DLG2: variants seen among roughly 807,000 people sequenced by gnomAD.
DLG2 encodes disks large homolog 2.
In DLG2, 45 loss-of-function variants were observed where a neutral mutation model predicts 132.5. The observed-to-expected ratio is 0.34, with a 90% CI of 0.27 to 0.44. The LOEUF (loss-of-function observed/expected upper bound fraction) is 0.44. Ranked by LOEUF, DLG2 falls within the 20% of genes least tolerant of loss-of-function variation. The probability of loss-of-function intolerance (pLI) is 1.00; values close to 1 mark genes in which losing one functional copy is unlikely to be tolerated. For missense variants in DLG2, 1,045 were observed against 1,196.9 expected, an observed-to-expected ratio of 0.87 and a Z score of 1.87; for synonymous variants, 424 against 419.6, an observed-to-expected ratio of 1.01 and a Z score of -0.13.
chr11:83,652,744 T>G (rs530526071), intron 18 of DLG2, among the ~76,000 whole-genome samples: 1 of 152,198 alleles, frequency 6.6e-6, no homozygotes, highest in Non-Finnish European at 1.5e-5. Context: ...CACCTGAGGG[T>G]AGCCCTTCTG....
chr11:84,211,868 A>G (rs956421146), intron 8 of DLG2, among the ~76,000 whole-genome samples: 1 of 152,222 alleles, frequency 6.6e-6, no homozygotes. Context: ...ATTTATCAAA[A>G]TTAGAGTAGA....
intron 6 of DLG2, among the ~76,000 whole-genome samples, chr11:84,638,099 T>C (rs184670756): frequency 5.3e-5 from 8 of 152,370 alleles, no homozygotes; most frequent in Admixed American, 4.6e-4. Flanking sequence ...TACTTTCATT[T>C]TGATCCAATA....
At chr11:83,965,963 T>C (rs2090094904) in intron 12 of DLG2, among the ~76,000 whole-genome samples, 1 of 152,028 alleles carries the variant, frequency 6.6e-6, no homozygotes, top group African/African-American at 2.4e-5. Flanking sequence ...ATGACTTTTG[T>C]TTTCTGCAGA....
chr11:84,259,062 A>T (rs2097518082), intron 7 of DLG2, among the ~76,000 whole-genome samples: 1 of 152,296 alleles, frequency 6.6e-6, no homozygotes, highest in East Asian at 1.9e-4. Context: ...ACTTGAAGTC[A>T]GGAGTTTGAG....
intron 12 of DLG2, among the ~76,000 whole-genome samples, chr11:83,968,966 G>T (rs934429300): frequency 1.3e-5 from 2 of 152,060 alleles, no homozygotes; most frequent in Non-Finnish European, 2.9e-5. Flanking sequence ...TAATAATACA[G>T]AAATAACACG....
intron 7 of DLG2, among the ~76,000 whole-genome samples, chr11:84,267,971 T>G (rs2097665138): frequency 6.6e-6 from 1 of 152,184 alleles, no homozygotes; most frequent in South Asian, 2.1e-4. Context: ...TTTTTATGAT[T>G]TACCTGTATA....
intron 16 of DLG2, among the ~76,000 whole-genome samples, chr11:83,867,107 T>G (rs1055093701): frequency 2.6e-5 from 4 of 152,192 alleles, no homozygotes; most frequent in African/African-American, 9.6e-5. Flanking sequence ...TCAGAAATCA[T>G]ATTGAGCTCT....
At chr11:84,433,992 CAT>C (rs369301138) in intron 7 of DLG2, among the ~76,000 whole-genome samples, 9 of 151,940 alleles carry the variant, frequency 5.9e-5, no homozygotes, top group Non-Finnish European at 1.3e-4. Flanking sequence ...TTGACACACA[CAT>C]GTGTTCCCAG....
intron 6 of DLG2, among the ~76,000 whole-genome samples, chr11:84,647,309 C>A (rs1017527907): frequency 6.6e-6 from 1 of 152,030 alleles, no homozygotes; most frequent in African/African-American, 2.4e-5. Context: ...GATAATGATG[C>A]CTTCTCTAGA....
chr11:84,619,107 A>G (rs2099609529), intron 6 of DLG2, among the ~76,000 whole-genome samples: 2 of 151,942 alleles, frequency 1.3e-5, no homozygotes, highest in African/African-American at 4.8e-5. Context: ...TAGGCAAACA[A>G]AAAACATTGA....
chr11:84,581,912 C>CAAAAAAA (rs780759635), intron 6 of DLG2, among the ~76,000 whole-genome samples: 25 of 64,946 alleles, frequency 3.8e-4, no homozygotes, highest in East Asian at 1.1e-3. Context: ...TCTCAAAAAC[C>CAAAAAAA]AAAAAAAAAA....
At chr11:83,510,833 T>TTG (rs1555133667) in intron 21 of DLG2, among the ~76,000 whole-genome samples, 1 of 141,176 alleles carries the variant, frequency 7.1e-6, no homozygotes, top group African/African-American at 2.7e-5. Flanking sequence ...ACCATCCGTT[T>TTG]TTTTTTTTTT....
intron 6 of DLG2, among the ~76,000 whole-genome samples, chr11:84,803,265 A>C (rs944036632): frequency 1.3e-5 from 2 of 152,226 alleles, no homozygotes; most frequent in East Asian, 1.9e-4. Context: ...ATAATTGTGA[A>C]GTTGAATGTA....
intron 5 of DLG2, among the ~76,000 whole-genome samples, chr11:85,137,102 G>A (rs2076184338): frequency 6.6e-6 from 1 of 152,086 alleles, no homozygotes; most frequent in Non-Finnish European, 1.5e-5. Flanking sequence ...CCAGTCTGAT[G>A]TAAGAAGGTA....
At chr11:83,743,579 G>T (rs1016365496) in intron 18 of DLG2, among the ~76,000 whole-genome samples, 2 of 151,754 alleles carry the variant, frequency 1.3e-5, no homozygotes, top group Admixed American at 6.6e-5. Context: ...GACTACAGGT[G>T]CATGCCAACA....
At chr11:84,430,829 G>A (rs536945793) in intron 7 of DLG2, among the ~76,000 whole-genome samples, 5 of 152,198 alleles carry the variant, frequency 3.3e-5, no homozygotes, top group South Asian at 2.1e-4. Flanking sequence ...GCAGGGCTGC[G>A]TTCAGCATGG....
intron 7 of DLG2, among the ~76,000 whole-genome samples, chr11:84,365,919 T>C (rs1355796402): frequency 6.6e-6 from 1 of 151,866 alleles, no homozygotes; most frequent in East Asian, 1.9e-4. Context: ...ACTTCCCCAA[T>C]CTAGCAAGGC....
At chr11:84,267,742 CTTTTCT>C (rs2097661214) in intron 7 of DLG2, among the ~76,000 whole-genome samples, 1 of 152,160 alleles carries the variant, frequency 6.6e-6, no homozygotes, top group Admixed American at 6.5e-5. Flanking sequence ...TTCTCACCTC[CTTTTCT>C]TTTTCTACAT....
At chr11:84,755,305 A>C (rs2066713554) in intron 6 of DLG2, among the ~76,000 whole-genome samples, 1 of 152,250 alleles carries the variant, frequency 6.6e-6, no homozygotes, top group African/African-American at 2.4e-5. Context: ...ATTTTTGTAG[A>C]ATGTTACATG....
Sources: gnomAD v4.1 joint callset for allele counts (sites outside exome capture counted in the v4.1 genomes callset) on GRCh38, gnomAD v4.1.1 for gene constraint, MANE v1.5 for transcripts, NCBI Gene and HGNC (gene_info 2026-07-23, HGNC 2026-07-21) for gene names.